Variants in L3MBTL4 observed in about 807,000 individuals in gnomAD.
L3MBTL4 encodes L3MBTL histone methyl-lysine binding protein 4.
L3MBTL4 carries 70 observed loss-of-function variants against 84.5 expected under a neutral mutation model. The observed-to-expected ratio is 0.83, with a 90% CI of 0.68 to 1.01. The LOEUF is 1.01. Among genes scored for constraint, L3MBTL4 ranks in the 50% least tolerant of loss-of-function variants. The pLI is 0.00. For missense variants in L3MBTL4, 715 were observed against 754.8 expected (o/e 0.95, Z 0.62); for synonymous variants, 274 against 259.8 (o/e 1.05, Z -0.52).
At chr18:6,071,066 C>T (rs1337047867) in intron 16 of L3MBTL4, among the ~76,000 whole-genome samples, 2 of 151,980 alleles carry the variant, frequency 1.3e-5, no homozygotes, top group Non-Finnish European at 2.9e-5. Flanking sequence ...TGAATACAAA[C>T]TACTGAGAAA....
intron 4 of L3MBTL4, among the ~76,000 whole-genome samples, chr18:6,267,437 G>A (rs903278488): frequency 4.6e-5 from 7 of 152,256 alleles, no homozygotes; most frequent in Admixed American, 6.5e-5. Flanking sequence ...TTTCTGCCAC[G>A]AGATGTTTTA....
At chr18:6,342,884 G>GA (rs79127307) in intron 1 of L3MBTL4, among the ~76,000 whole-genome samples, 6,310 of 150,348 alleles carry the variant, frequency 0.042, 153 homozygotes, top group East Asian at 0.11. Flanking sequence ...TAAAAGGACA[G>GA]AAAAAAAAAT....
chr18:6,151,461 C>T (rs557598038), intron 13 of L3MBTL4, among the ~76,000 whole-genome samples: 3 of 152,256 alleles, frequency 2.0e-5, no homozygotes, highest in East Asian at 3.9e-4. Flanking sequence ...GGCACGATCT[C>T]GACTCACTGC....
chr18:6,113,265 T>C (rs982657249), intron 14 of L3MBTL4, among the ~76,000 whole-genome samples: 4 of 152,114 alleles, frequency 2.6e-5, no homozygotes, highest in East Asian at 1.9e-4. Flanking sequence ...CTAACTCATA[T>C]CTGATTAGTA....
At chr18:6,350,188 T>C (rs1160431273) in intron 1 of L3MBTL4, among the ~76,000 whole-genome samples, 2 of 152,158 alleles carry the variant, frequency 1.3e-5, no homozygotes, top group South Asian at 2.1e-4. Context: ...CCTCACGGCA[T>C]TGGATTTGGC....
At chr18:5,988,068 T>G (rs2053540965) in intron 16 of L3MBTL4, among the ~76,000 whole-genome samples, 1 of 152,234 alleles carries the variant, frequency 6.6e-6, no homozygotes, top group African/African-American at 2.4e-5. Context: ...CATGAATTAC[T>G]TAGGTGCTTG....
chr18:6,222,371 G>C (rs1180685813), intron 10 of L3MBTL4, among the ~76,000 whole-genome samples: 2 of 152,158 alleles, frequency 1.3e-5, no homozygotes, highest in Non-Finnish European at 2.9e-5. Context: ...TGGCTGAGCT[G>C]TACTATATCC....
chr18:6,221,078 A>G (rs1297836694), intron 10 of L3MBTL4, among the ~76,000 whole-genome samples: 1 of 151,520 alleles, frequency 6.6e-6, no homozygotes, highest in Non-Finnish European at 1.5e-5. Flanking sequence ...CTGGTTTCAG[A>G]TTTTTTTTTA....
chr18:6,238,143 A>C, intron 9 of L3MBTL4, 103 bp from the exon 10 acceptor site: 1 of 986,354 alleles, frequency 1.0e-6, no homozygotes, highest in Non-Finnish European at 1.6e-6. Flanking sequence ...CACAGAAAAC[A>C]GTACTTCATA....
At chr18:5,966,537 A>G (rs1430395781) in intron 17 of L3MBTL4, among the ~76,000 whole-genome samples, 1 of 151,668 alleles carries the variant, frequency 6.6e-6, no homozygotes, top group Non-Finnish European at 1.5e-5. Context: ...TCCTCACCCT[A>G]TCTCTGGACA....
At chr18:6,409,088 C>G (rs2055858286) in intron 1 of L3MBTL4, among the ~76,000 whole-genome samples, 1 of 152,138 alleles carries the variant, frequency 6.6e-6, no homozygotes, top group African/African-American at 2.4e-5. Flanking sequence ...AAATTGTTGG[C>G]CCTGGATTTA....
In L3MBTL4 at chr18:6,207,546, C is replaced by T. The variant is rs370173067; in HGVS notation, c.981+5603G>A. 2.0e-5 allele frequency among the ~76,000 whole-genome samples: 3 copies of T among 152,260 alleles called. No homozygotes were observed. In the East Asian group the frequency reaches 5.8e-4, roughly 29 times the overall value. ...ATTTTACCTGGAATTAACTGAGGCA[C>T]GTTCACCTGGTTGAGCACTCTCTCT... On this transcript the variant is annotated intron_variant, in intron 12 of 18. Transcript: ENST00000317931.
At chr18:6,280,020 C>T (rs923677840) in intron 4 of L3MBTL4, among the ~76,000 whole-genome samples, 1 of 151,948 alleles carries the variant, frequency 6.6e-6, no homozygotes, top group Non-Finnish European at 1.5e-5. Context: ...TTATTTTTTC[C>T]CTTGACAGTA....
intron 12 of L3MBTL4, among the ~76,000 whole-genome samples, chr18:6,194,727 A>G (rs1599097913): frequency 6.6e-6 from 1 of 152,204 alleles, no homozygotes; most frequent in South Asian, 2.1e-4. Context: ...TCCTCACTGG[A>G]GTACAGACAA....
intron 1 of L3MBTL4, among the ~76,000 whole-genome samples, chr18:6,316,425 G>C (rs963440643): frequency 7.2e-5 from 11 of 152,166 alleles, no homozygotes; most frequent in Non-Finnish European, 1.6e-4. Flanking sequence ...TCTGCTCACG[G>C]GAAGTTTCTT....
chr18:6,343,734 A>G (rs779399637), intron 1 of L3MBTL4, among the ~76,000 whole-genome samples: 5 of 152,076 alleles, frequency 3.3e-5, no homozygotes, highest in African/African-American at 7.2e-5. Flanking sequence ...GAAACTAAAA[A>G]TCAATAACAA....
At chr18:6,396,468 A>T (rs1377915466) in intron 1 of L3MBTL4, 1 of 152,320 alleles carries the variant, frequency 6.6e-6, no homozygotes, top group Non-Finnish European at 1.5e-5. Context: ...GCACCTCTTG[A>T]ACCACCCAGA....
intron 1 of L3MBTL4, among the ~76,000 whole-genome samples, chr18:6,410,951 A>C (rs2055940760): frequency 6.6e-6 from 1 of 152,158 alleles, no homozygotes; most frequent in Non-Finnish European, 1.5e-5. Context: ...CATCATCCCC[A>C]AAAGGGACAC....
At chr18:6,057,605 G>T (rs574267121) in intron 16 of L3MBTL4, among the ~76,000 whole-genome samples, 9 of 151,804 alleles carry the variant, frequency 5.9e-5, no homozygotes, top group Middle Eastern at 3.4e-3. Context: ...CAAAATCACT[G>T]AAAACTTGGC....
Sources: allele counts gnomAD v4.1 joint callset (sites outside exome capture counted in the v4.1 genomes callset), GRCh38; gene constraint gnomAD v4.1.1; transcripts MANE v1.5; gene names NCBI Gene and HGNC (gene_info 2026-07-23, HGNC 2026-07-21).